The following TNXB variants were observed in gnomAD, a reference collection of about 807,000 sequenced individuals.
The protein encoded by TNXB is tenascin XB.
Under a neutral mutation model 340.5 loss-of-function variants are expected in TNXB, and 183 were observed. The ratio of observed to expected loss-of-function variants is 0.54; its 90% CI spans 0.48 to 0.61. The LOEUF is 0.61. Ranked by LOEUF, TNXB falls within the 20% of genes least tolerant of loss-of-function variation. TNXB has a pLI of 0.00. For missense variants in TNXB, 4,613 were observed against 5,446.4 expected, an observed-to-expected ratio of 0.85 and a Z score of 4.82; for synonymous variants, 2,121 against 2,314.5, an observed-to-expected ratio of 0.92 and a Z score of 2.40.
rs192035220 is a variant in TNXB, at chr6:32,057,639, C to T, written c.7825+419G>A. Among the ~76,000 whole-genome samples, 9 of 152,170 alleles carry T rather than the reference C, an allele frequency of 5.9e-5. No individual in the cohort carries two copies. The East Asian group carries it at 9.6e-4, about 16-fold the overall frequency. ...CCACACTTCAGGATGAGATACTCAC[C>T]GTAAAGGACACCCCACTCAATCCTC... On this transcript the variant is annotated intron_variant, in intron 22 of 43. Transcript: ENST00000644971.
At chr6:32,088,677 C>T in intron 6 of TNXB, 108 bp downstream of exon 6, 1 of 1,456,032 alleles carries the variant, frequency 6.9e-7, no homozygotes, top group Non-Finnish European at 9.2e-7. Context: ...TGCCACACAC[C>T]TGCCAGAAGC....
chr6:32,107,181 TCCCCGTAC>T (rs1483860073), intron 1 of TNXB, among the ~76,000 whole-genome samples: 1 of 152,116 alleles, frequency 6.6e-6, no homozygotes, highest in Non-Finnish European at 1.5e-5. Flanking sequence ...CCACCATACT[TCCCCGTAC>T]CCCTGGAGGC....
chr6:32,103,040 A>T (rs1237172448), intron 1 of TNXB, among the ~76,000 whole-genome samples: 1 of 152,212 alleles, frequency 6.6e-6, no homozygotes, highest in African/African-American at 2.4e-5. Context: ...AATATTTTGT[A>T]TCTTAATCTG....
At chr6:32,078,978 A>C in intron 11 of TNXB, 55 bp downstream of exon 11, 1 of 1,550,786 alleles carries the variant, frequency 6.4e-7, no homozygotes, top group Non-Finnish European at 8.7e-7. Flanking sequence ...GGCTACAGGG[A>C]AGCTGGGAGC....
In TNXB at chr6:32,069,412, C is replaced by T; in HGVS notation, c.5587+141G>A. 9.2e-7 allele frequency: 1 copy of T among 1,084,412 alleles called. No individual in the cohort carries two copies. Among genetic ancestry groups the T allele is most frequent in the Non-Finnish European group, 1.3e-6 (1 of 784,596 alleles). The allele number at this position is 1,084,412 out of a possible 1,614,324, so 67.2% of individuals were successfully genotyped here. The stretch of plus-strand genomic sequence containing the variant: ...TTGCTGGAGGCTGGGACTGGGGCAA[C>T]TGACTCTAAAGGGGCACAAGGAAAC... On this transcript the variant is annotated intron_variant, in intron 15 of 43. Coordinates refer to ENST00000644971, the MANE Select transcript of TNXB (RefSeq NM_001365276.2). This position sits in a 1 kb window ranked among gnomAD's most constrained non-coding sequence, Gnocchi z 6.2.
chr6:32,069,673 C>T lies in TNXB; in HGVS notation c.5467G>A (p.Glu1823Lys), dbSNP rs765304224. 1 of 1,613,118 alleles carries T rather than the reference C, an allele frequency of 6.2e-7. No individual in the cohort carries two copies. Among genetic ancestry groups the T allele is most frequent in the South Asian group, 1.1e-5 (1 of 90,984 alleles). Residue 1823 changes from glutamate (E) to lysine (K), a missense_variant, in exon 15 of 44, where the codon GAG (glutamate) becomes AAG (lysine). By Grantham distance (56) the Glu-to-Lys change is moderately conservative (BLOSUM62 1). Transcript: ENST00000644971. The surrounding 1 kb of genome is among the most constrained non-coding windows in gnomAD (Gnocchi z 6.2). ...RDGQPQVVPV[E>K]GSLREVSVPG... ...ACGCTGACCTCCCTGAGGCTGCCCTCCACGGGCACCACCTGGGGCTGCCCG... is the reference window on the plus strand; with the variant it reads ...ACGCTGACCTCCCTGAGGCTGCCCTTCACGGGCACCACCTGGGGCTGCCCG...
rs749377355 is a variant in TNXB at position 32,041,156 on chromosome 6, C to T, written c.*193G>A. ...GTGATGGGGCAGGACCGATGCCAGCCGGGTACCTCAGTTTCTCCTTTATTG... is the reference window on the plus strand; with the variant it reads ...GTGATGGGGCAGGACCGATGCCAGCTGGGTACCTCAGTTTCTCCTTTATTG... On this transcript the variant is annotated 3_prime_UTR_variant, in exon 44 of 44. Coordinates refer to ENST00000644971, the MANE Select transcript of TNXB (RefSeq NM_001365276.2). The T allele has an allele frequency of 1.7e-5, 27 of 1,579,884 alleles. 1 individual carries two copies. Among genetic ancestry groups the T allele is most frequent in the African/African-American group, 1.6e-4 (12 of 74,728 alleles).
Position 32,073,689 on chromosome 6 carries a change from C to A in TNXB, c.4639G>T (p.Asp1547Tyr), listed in dbSNP as rs1025025117. 9.9e-6 allele frequency: 16 copies of A among 1,610,072 alleles called. No homozygotes were observed. The highest frequency in any genetic ancestry group is 2.2e-5 in the South Asian group (2 of 90,544). ...GACAGGGGGCCCATGCGTTGCCCATCATGTAGTCCATACATGTTCATCTTA... is the reference window on the plus strand; with the variant it reads ...GACAGGGGGCCCATGCGTTGCCCATAATGTAGTCCATACATGTTCATCTTA... ...KYKMNMYGLH[D>Y]GQRMGPLSVV... Residue 1547 changes from aspartate (D) to tyrosine (Y), a missense_variant, in exon 12 of 44, where the codon GAT becomes TAT. Physicochemically the swap from Asp to Tyr is radical, Grantham distance 160 (BLOSUM62 -3). Around this residue, in one of 7 missense-constraint regions of TNXB, gnomAD observed 4,327 missense variants for 4,859.4 expected, o/e 0.89. Coordinates refer to ENST00000644971, the MANE Select transcript of TNXB (RefSeq NM_001365276.2). This position sits in a 1 kb window ranked among gnomAD's most constrained non-coding sequence, Gnocchi z 4.6.
Position 32,083,244 on chromosome 6 carries a change from C to T in TNXB, c.3446-918G>A, listed in dbSNP as rs1304084342. 7.2e-5 allele frequency among the ~76,000 whole-genome samples: 11 copies of T among 152,158 alleles called. No individual in the cohort carries two copies. The highest frequency in any genetic ancestry group is 7.2e-4 in the Admixed American group (11 of 15,278). ...TCCCTGCAAGTCACTCCGCAAGCTA[C>T]CCTGTGGGCTCTTCTTCCTCTGCCT... On this transcript the variant is annotated intron_variant, in intron 8 of 43. Coordinates refer to ENST00000644971, the MANE Select transcript of TNXB (RefSeq NM_001365276.2). The surrounding 1 kb of genome is among the most constrained non-coding windows in gnomAD (Gnocchi z 4.6).
chr6:32,102,324 C>T (rs769811238), intron 1 of TNXB, among the ~76,000 whole-genome samples: 6 of 152,164 alleles, frequency 3.9e-5, no homozygotes, highest in East Asian at 1.9e-4. Context: ...TTCCAAAAGA[C>T]GTAGACCATA....
chr6:32,093,365 T>C (rs186782051), intron 4 of TNXB: 1 of 701,260 alleles, frequency 1.4e-6, no homozygotes, highest in Non-Finnish European at 2.6e-6. Context: ...GAAGAAAAAA[T>C]TCAAGCTATC....
chr6:32,046,722 A>G lies in TNXB; in HGVS notation c.10325-266T>C, dbSNP rs1424509214. 1.0e-5 allele frequency: 4 copies of G among 394,924 alleles called. No individual in the cohort carries two copies. Among genetic ancestry groups the G allele is most frequent in the African/African-American group, 8.0e-5 (4 of 50,084 alleles). The allele number at this position is 394,924 out of a possible 1,614,324, so 24.5% of individuals were successfully genotyped here. A position where few individuals can be genotyped will look rare whatever the true frequency, so the allele number is the denominator to read the frequency against. ...ATCGAGGATGCGCCAAATTCATTAC[A>G]GATCATCTCCCGAGGGATGGGTGGC... On this transcript the variant is annotated intron_variant, in intron 30 of 43. Coordinates refer to ENST00000644971, the MANE Select transcript of TNXB (RefSeq NM_001365276.2). The surrounding 1 kb of genome is among the most constrained non-coding windows in gnomAD (Gnocchi z 6.9).
chr6:32,091,920 T>C (rs1369224408), intron 4 of TNXB, among the ~76,000 whole-genome samples: 1 of 152,246 alleles, frequency 6.6e-6, no homozygotes, highest in African/African-American at 2.4e-5. Context: ...AAAACTTCTC[T>C]GAGGCTGTGA....
intron 4 of TNXB, 101 bp downstream of exon 4, chr6:32,094,975 T>C: frequency 1.0e-6 from 1 of 971,014 alleles, no homozygotes; most frequent in South Asian, 1.5e-5. Context: ...CCCAGCCATC[T>C]GGACTCAACC....
Position 32,089,043 on chromosome 6 carries a change from C to G in TNXB, c.2521G>C (p.Asp841His). The change falls in exon 6 of 44, where the codon GAT (aspartate) becomes CAT (histidine). Residue 841 changes from aspartate to histidine, a missense_variant. Coordinates refer to ENST00000644971, the MANE Select transcript of TNXB (RefSeq NM_001365276.2). The surrounding 1 kb of genome is among the most constrained non-coding windows in gnomAD (Gnocchi z 6.2). Reference protein sequence around the residue: ...PASKTITTMIDGPQDLRVVAV... With the variant: ...PASKTITTMIHGPQDLRVVAV... ...ACCACTCGGAGGTCCTGGGGCCCAT[C>G]GATCACTAGCCAGGTTAAAGAGGAG... is the stretch of plus-strand genomic sequence containing the variant. 1 of 1,608,594 alleles carries G rather than the reference C, an allele frequency of 6.2e-7. No individual in the cohort carries two copies. Among genetic ancestry groups the G allele is most frequent in the South Asian group, 1.1e-5 (1 of 90,122 alleles).
At chr6:32,078,226 C>T (rs1779220673) in intron 11 of TNXB, among the ~76,000 whole-genome samples, 1 of 151,776 alleles carries the variant, frequency 6.6e-6, no homozygotes, top group Non-Finnish European at 1.5e-5. Flanking sequence ...GCAGGTGGCT[C>T]ACTTGAGGAT....
In TNXB at chr6:32,051,825, T is replaced by C. The variant is rs969619233; in HGVS notation, c.9115+845A>G. 6.6e-6 allele frequency among the ~76,000 whole-genome samples: 1 copy of C among 152,104 alleles called. No homozygotes were observed. Among genetic ancestry groups the C allele is most frequent in the Admixed American group, 6.5e-5 (1 of 15,268 alleles). On this transcript the variant is annotated intron_variant, in intron 26 of 43. Transcript: ENST00000644971. This position sits in a 1 kb window ranked among gnomAD's most constrained non-coding sequence, Gnocchi z 4.7. ...ACATTGTATTTAATGAAATGAACCATTCAAAAAAGACAAATATTGTATGAT... is the reference window on the plus strand; with the variant it reads ...ACATTGTATTTAATGAAATGAACCACTCAAAAAAGACAAATATTGTATGAT...
rs2127268646 is a variant in TNXB, at chr6:32,087,410, G to A, written c.2780-1292C>T. ...CCGCCGGGGCCCTCTGCAGGCGGCT[G>A]AGGCCGCCAGCGCAGCACCACGCGC... On this transcript the variant is annotated intron_variant, in intron 6 of 43. Transcript: ENST00000644971. The surrounding 1 kb of genome is among the most constrained non-coding windows in gnomAD (Gnocchi z 9.0). 1 of 472,410 alleles carries A rather than the reference G, an allele frequency of 2.1e-6. No homozygotes were observed. 29.3% of individuals were successfully genotyped at this position (472,410 alleles called of 1,614,324 possible). A position where few individuals can be genotyped will look rare whatever the true frequency, so the allele number is the denominator to read the frequency against.
rs914502273 is a variant in TNXB at position 32,052,588 on chromosome 6, A to G, written c.9115+82T>C. 24 of 1,540,302 alleles carry G rather than the reference A, an allele frequency of 1.6e-5. No homozygotes were observed. Among genetic ancestry groups the G allele is most frequent in the Non-Finnish European group, 2.0e-5 (23 of 1,131,490 alleles). On this transcript the variant is annotated intron_variant, in intron 26 of 43. Coordinates refer to ENST00000644971, the MANE Select transcript of TNXB (RefSeq NM_001365276.2). This position sits in a 1 kb window ranked among gnomAD's most constrained non-coding sequence, Gnocchi z 4.7. ...ACACAAAGGAAGGAATACTCTTCAG[A>G]GTATGTTTTCACGAAGACTGGAGAG... is the stretch of plus-strand genomic sequence containing the variant.
Sources: allele counts gnomAD v4.1 joint callset (sites outside exome capture counted in the v4.1 genomes callset), GRCh38; gene constraint gnomAD v4.1.1; regional missense constraint gnomAD v4.1.1; non-coding constraint Gnocchi (gnomAD v3.1); transcripts MANE v1.5; gene names NCBI Gene and HGNC (gene_info 2026-07-23, HGNC 2026-07-21).